CNTLN: variants seen among roughly 807,000 people sequenced by gnomAD.
CNTLN encodes centlein, centrosomal protein.
Under a neutral mutation model 180.0 loss-of-function variants are expected in CNTLN, and 212 were observed. The observed-to-expected ratio is 1.18, with a 90% confidence interval of 1.05 to 1.32. The LOEUF (loss-of-function observed/expected upper bound fraction) is 1.32, where lower values mean the gene tolerates loss of function less well. Among genes scored for constraint, CNTLN ranks in the 40% most tolerant of loss-of-function variants. The pLI is 0.00. For missense variants in CNTLN, 2,095 were observed against 1,610.9 expected (o/e 1.30, Z -5.14); for synonymous variants, 722 against 563.1 (o/e 1.28, Z -3.99).
the CNTLN span, among the ~76,000 whole-genome samples, chr9:17,523,539 T>C: frequency 6.6e-6 from 1 of 152,152 alleles, no homozygotes; most frequent in East Asian, 1.9e-4. Flanking sequence ...GCCCAGCCCA[T>C]GTATATTTCT....
At chr9:17,513,970 T>A in the CNTLN span, among the ~76,000 whole-genome samples, 1 of 152,142 alleles carries the variant, frequency 6.6e-6, no homozygotes, top group East Asian at 1.9e-4. Flanking sequence ...AGGTAATATA[T>A]GATTTGCTAG....
intron 18 of CNTLN, chr9:17,448,299 A>G: frequency 6.5e-6 from 1 of 152,978 alleles, no homozygotes; most frequent in Admixed American, 6.5e-5. Flanking sequence ...TGAGAATTCC[A>G]CATTACCTCA....
At chr9:17,242,373 G>A (rs558195504) in intron 5 of CNTLN, among the ~76,000 whole-genome samples, 11 of 151,644 alleles carry the variant, frequency 7.3e-5, no homozygotes, top group African/African-American at 2.4e-4. Flanking sequence ...GCAGTGGCAC[G>A]ATCTTGGCTC....
intron 2 of CNTLN, among the ~76,000 whole-genome samples, chr9:17,176,116 T>G (rs115452285): frequency 5.9e-5 from 9 of 152,098 alleles, no homozygotes; most frequent in African/African-American, 2.2e-4. Flanking sequence ...CCTTATTGTG[T>G]TGGCTATATT....
intron 25 of CNTLN, among the ~76,000 whole-genome samples, chr9:17,489,859 T>C (rs564131431): frequency 1.2e-4 from 18 of 152,176 alleles, no homozygotes; most frequent in African/African-American, 4.1e-4. Context: ...AGATTTCTAG[T>C]AATAAGAACC....
In CNTLN at chr9:17,273,779, C is replaced by G. The variant is rs771726323; in HGVS notation, c.896C>G (p.Ser299Ter). 9 of 1,559,052 alleles carry G rather than the reference C, an allele frequency of 5.8e-6. No individual in the cohort carries two copies. The South Asian group carries it at 1.1e-4, about 19-fold the overall frequency. Residue 299 changes from serine to a stop codon, truncating the protein, a stop_gained, in exon 6 of 26, where the codon TCA (serine) becomes TGA (stop). Transcript: ENST00000380647. LOFTEE classifies it high-confidence loss of function. Reference sequence around the variant, plus strand: ...GAAGCAAGGAAAGAAGTTGAAGTATCACAGAGTAAATACAATGCTCTATCA... The same window carrying G: ...GAAGCAAGGAAAGAAGTTGAAGTATGACAGAGTAAATACAATGCTCTATCA... ...LIEARKEVEV[S>*]QSKYNALSLQ...
chr9:17,338,659 C>T (rs571793533), intron 10 of CNTLN, among the ~76,000 whole-genome samples: 1 of 151,980 alleles, frequency 6.6e-6, no homozygotes, highest in Non-Finnish European at 1.5e-5. Context: ...ATTTCACATA[C>T]TTAACAATAG....
At chr9:17,155,614 C>G (rs571996525) in intron 2 of CNTLN, among the ~76,000 whole-genome samples, 41 of 152,296 alleles carry the variant, frequency 2.7e-4, no homozygotes, top group Middle Eastern at 3.4e-3. Context: ...CCTTCCCCCA[C>G]CAACCTTGAC....
At chr9:17,481,041 C>T (rs1003452740) in intron 23 of CNTLN, among the ~76,000 whole-genome samples, 6 of 152,128 alleles carry the variant, frequency 3.9e-5, no homozygotes, top group Non-Finnish European at 8.8e-5. Flanking sequence ...AGACCTGGAA[C>T]AGCAACCTTG....
At chr9:17,215,582 C>A (rs1823685167) in intron 2 of CNTLN, among the ~76,000 whole-genome samples, 1 of 152,188 alleles carries the variant, frequency 6.6e-6, no homozygotes, top group Admixed American at 6.5e-5. Context: ...TCAAAGCTGT[C>A]AGACAGGGAC....
intron 5 of CNTLN, among the ~76,000 whole-genome samples, chr9:17,249,924 T>C (rs1826040396): frequency 6.7e-6 from 1 of 149,066 alleles, no homozygotes; most frequent in African/African-American, 2.5e-5. Flanking sequence ...AAGCCATCTT[T>C]ATCCTTAATA....
At chr9:17,519,549 G>C in the CNTLN span, among the ~76,000 whole-genome samples, 1 of 152,146 alleles carries the variant, frequency 6.6e-6, no homozygotes, top group South Asian at 2.1e-4. Flanking sequence ...TTCAAGTATA[G>C]ATTGAACTGT....
intron 6 of CNTLN, among the ~76,000 whole-genome samples, chr9:17,287,448 G>T (rs891838517): frequency 7.6e-4 from 115 of 151,112 alleles, no homozygotes; most frequent in African/African-American, 2.6e-3. Context: ...TGTTCATCAA[G>T]GATATTGGTC....
At chr9:17,282,499 T>C (rs752253112) in intron 6 of CNTLN, among the ~76,000 whole-genome samples, 9 of 152,208 alleles carry the variant, frequency 5.9e-5, no homozygotes, top group Non-Finnish European at 1.3e-4. Flanking sequence ...CTTTGTCAGA[T>C]GGATAGATTG....
At chr9:17,269,593 A>G (rs1370239495) in intron 5 of CNTLN, among the ~76,000 whole-genome samples, 1 of 151,974 alleles carries the variant, frequency 6.6e-6, no homozygotes, top group East Asian at 1.9e-4. Flanking sequence ...TCCTTCTGTA[A>G]TTGATTTCTG....
At chr9:17,368,018 A>T (rs1052867163) in intron 13 of CNTLN, among the ~76,000 whole-genome samples, 1 of 152,162 alleles carries the variant, frequency 6.6e-6, no homozygotes, top group Admixed American at 6.5e-5. Flanking sequence ...CTCATCCACA[A>T]TGAAGTAGAA....
intron 2 of CNTLN, among the ~76,000 whole-genome samples, chr9:17,180,266 G>T (rs112741527): frequency 6.9e-6 from 1 of 145,098 alleles, no homozygotes; most frequent in African/African-American, 2.5e-5. Context: ...CTATTGGAAC[G>T]CATTTTAGAA....
chr9:17,274,277 T>C (rs529010534), intron 6 of CNTLN, among the ~76,000 whole-genome samples: 42 of 148,900 alleles, frequency 2.8e-4, no homozygotes, highest in Non-Finnish European at 4.7e-4. Flanking sequence ...ATCAACATAA[T>C]TGATTTTGTA....
chr9:17,291,834 T>G (rs986348020), intron 6 of CNTLN, among the ~76,000 whole-genome samples: 6 of 152,200 alleles, frequency 3.9e-5, no homozygotes, highest in African/African-American at 1.4e-4. Flanking sequence ...GTCTGTGAAT[T>G]TGATCCTGTT....
Sources: allele counts gnomAD v4.1 joint callset (sites outside exome capture counted in the v4.1 genomes callset), GRCh38; gene constraint gnomAD v4.1.1; transcripts MANE v1.5; gene names NCBI Gene and HGNC (gene_info 2026-07-23, HGNC 2026-07-21).